SCN3A: variants seen among roughly 807,000 people sequenced by gnomAD.
The protein encoded by SCN3A is sodium voltage-gated channel alpha subunit 3.
Under a neutral mutation model 187.6 loss-of-function variants are expected in SCN3A, and 60 were observed. The ratio of observed to expected loss-of-function variants is 0.32; its 90% CI spans 0.26 to 0.40. The LOEUF is 0.40. SCN3A is among the 10% of genes least tolerant of loss of function. The pLI is 1.00. For missense variants in SCN3A, 1,601 were observed against 2,428.2 expected, an observed-to-expected ratio of 0.66 and a Z score of 7.16; for synonymous variants, 788 against 829.2, an observed-to-expected ratio of 0.95 and a Z score of 0.85.
intron 10 of SCN3A, among the ~76,000 whole-genome samples, chr2:165,155,168 T>A (rs1688942008): frequency 6.6e-6 from 1 of 152,200 alleles, no homozygotes; most frequent in Non-Finnish European, 1.5e-5. Flanking sequence ...TATCAACTTC[T>A]AAGAGTCATG....
At chr2:165,159,343 G>T (rs1203742473) in intron 9 of SCN3A, among the ~76,000 whole-genome samples, 1 of 136,606 alleles carries the variant, frequency 7.3e-6, no homozygotes, top group Non-Finnish European at 1.5e-5. Context: ...CTGGACACTG[G>T]TTTGTTGTTT....
chr2:165,179,530 T>C (rs1399759522), intron 2 of SCN3A: 2 of 152,226 alleles, frequency 1.3e-5, no homozygotes, highest in Admixed American at 6.5e-5. Flanking sequence ...GAAAAACTTT[T>C]TACAAATAAA....
chr2:165,191,145 T>C (rs1279645004), intron 1 of SCN3A, among the ~76,000 whole-genome samples: 2 of 149,544 alleles, frequency 1.3e-5, no homozygotes, highest in Non-Finnish European at 3.0e-5. Flanking sequence ...ATGACAATCA[T>C]AGCTTCTTCA....
intron 11 of SCN3A, among the ~76,000 whole-genome samples, chr2:165,149,214 C>T (rs960382438): frequency 4.0e-5 from 6 of 151,134 alleles, no homozygotes. Context: ...CTCACTCTGT[C>T]GCCCAGGCTG....
At position 165,095,758 on chromosome 2, in the gene SCN3A, C is replaced by G. The variant is rs914680796; in HGVS notation, c.4294-110G>C. The stretch of plus-strand genomic sequence containing the variant: ...TAATACAGTGCTACTTTTGCCTTAC[C>G]CTGAGATATTGTTCTACAAAAACAA... On this transcript the variant is annotated intron_variant, in intron 24 of 27. Coordinates refer to ENST00000283254, the MANE Select transcript of SCN3A (RefSeq NM_006922.4). 4 of 609,720 alleles carry G rather than the reference C, an allele frequency of 6.6e-6. No individual in the cohort carries two copies. The African/African-American group carries it at 7.5e-5, about 11-fold the overall frequency. 37.8% of individuals were successfully genotyped at this position (609,720 alleles called of 1,614,324 possible).
rs149605571 is a variant in SCN3A at position 165,178,620 on chromosome 2, T to C, written c.-50-2176A>G. 3.5e-3 allele frequency among the ~76,000 whole-genome samples: 537 copies of C among 152,332 alleles called. 4 individuals are homozygous for C. In the Middle Eastern group the frequency reaches 0.051, roughly 14 times the overall value. On this transcript the variant is annotated intron_variant, in intron 2 of 27. Coordinates refer to ENST00000283254, the MANE Select transcript of SCN3A (RefSeq NM_006922.4). ...ATTATATCTTTTGCTACTATGAAGG[T>C]ATATTCTATATAAGTTATAAAATAA... is the stretch of plus-strand genomic sequence containing the variant.
chr2:165,183,038 G>A (rs1274279037), intron 2 of SCN3A, among the ~76,000 whole-genome samples: 1 of 151,608 alleles, frequency 6.6e-6, no homozygotes, highest in East Asian at 1.9e-4. Context: ...GAATATTCAC[G>A]GCATTGCCTA....
intron 2 of SCN3A, among the ~76,000 whole-genome samples, chr2:165,185,050 G>A (rs1691143541): frequency 6.7e-6 from 1 of 150,136 alleles, no homozygotes; most frequent in Non-Finnish European, 1.5e-5. Flanking sequence ...TGGACTCAAT[G>A]TCATGGCTCT....
intron 5 of SCN3A, among the ~76,000 whole-genome samples, chr2:165,165,759 A>G (rs1053716497): frequency 6.6e-6 from 1 of 152,196 alleles, no homozygotes; most frequent in Non-Finnish European, 1.5e-5. Flanking sequence ...TTATTTTGAA[A>G]TGTTTTCTGC....
intron 18 of SCN3A, among the ~76,000 whole-genome samples, chr2:165,119,086 T>G (rs1051330922): frequency 5.9e-5 from 9 of 152,224 alleles, no homozygotes; most frequent in African/African-American, 2.2e-4. Context: ...TTAAATTTTT[T>G]GTAGAGATAG....
chr2:165,156,574 A>G (rs1440275960), intron 9 of SCN3A, among the ~76,000 whole-genome samples: 5 of 150,858 alleles, frequency 3.3e-5, no homozygotes, highest in Non-Finnish European at 3.0e-5. Flanking sequence ...GAAAACAGAC[A>G]AAGAGTGGGG....
At chr2:165,149,729 C>T (rs140975021) in intron 11 of SCN3A, among the ~76,000 whole-genome samples, 4 of 152,246 alleles carry the variant, frequency 2.6e-5, no homozygotes, top group African/African-American at 7.2e-5. Flanking sequence ...CAATGTCCTG[C>T]GTATGAGAAT....
In SCN3A at chr2:165,133,282, G is replaced by A. The variant is rs1687459742; in HGVS notation, c.2392-1865C>T. ...TTTGACCCAGCCATCCCATTACTGG[G>A]TATATACCCAAAGGACTATAAATCA... On this transcript the variant is annotated intron_variant, in intron 15 of 27. Coordinates refer to ENST00000283254, the MANE Select transcript of SCN3A (RefSeq NM_006922.4). Among the ~76,000 whole-genome samples the A allele has an allele frequency of 2.6e-5, 4 of 152,100 alleles. No homozygotes were observed. The South Asian group carries it at 8.3e-4, about 32-fold the overall frequency.
In SCN3A at chr2:165,194,417, C is replaced by T. The variant is rs77990915; in HGVS notation, c.-247-7670G>A. Reference sequence around the variant, plus strand: ...TATAGCAATACCCTTATACCCTGAACGTGGGTCACTAAACCTTATATAAAT... The same window carrying T: ...TATAGCAATACCCTTATACCCTGAATGTGGGTCACTAAACCTTATATAAAT... On this transcript the variant is annotated intron_variant, in intron 1 of 27. Coordinates refer to ENST00000283254, the MANE Select transcript of SCN3A (RefSeq NM_006922.4). Among the ~76,000 whole-genome samples the T allele has an allele frequency of 4.8e-3, 735 of 152,194 alleles. 5 individuals carry two copies. Among genetic ancestry groups the T allele is most frequent in the African/African-American group, 0.017 (704 of 41,524 alleles).
chr2:165,146,475 ATATATATTATATATATC>A (rs1688341691), intron 12 of SCN3A, among the ~76,000 whole-genome samples: 2 of 148,134 alleles, frequency 1.4e-5, no homozygotes, highest in South Asian at 2.1e-4. Context: ...GGTTATATCA[ATATATATTATATATATC>A]TATATATTAT....
intron 2 of SCN3A, among the ~76,000 whole-genome samples, chr2:165,177,206 C>G (rs759459093): frequency 6.6e-6 from 1 of 152,072 alleles, no homozygotes; most frequent in African/African-American, 2.4e-5. Flanking sequence ...TCAATTATTC[C>G]AAGACAATTT....
intron 11 of SCN3A, among the ~76,000 whole-genome samples, chr2:165,149,904 A>G (rs1688594859): frequency 6.6e-6 from 1 of 152,252 alleles, no homozygotes; most frequent in African/African-American, 2.4e-5. Flanking sequence ...ATATAACCAC[A>G]TAACTAATAC....
chr2:165,161,317 C>T (rs975713272), intron 9 of SCN3A, among the ~76,000 whole-genome samples: 1 of 151,926 alleles, frequency 6.6e-6, no homozygotes, highest in Non-Finnish European at 1.5e-5. Context: ...TCCATTTTAA[C>T]GATGAGTAAA....
chr2:165,182,957 G>A lies in SCN3A; in HGVS notation c.-51+3594C>T, dbSNP rs6723808. 5.7e-3 allele frequency among the ~76,000 whole-genome samples: 700 copies of A among 122,790 alleles called. 7 individuals carry two copies. The highest frequency in any genetic ancestry group is 0.022 in the African/African-American group (663 of 29,650). 80.6% of individuals were successfully genotyped at this position (122,790 alleles called of 152,430 possible). ...TTGCCAGTGCACTCCAGCCTAAGCTGCAAAACAAGACCTTGTCAAAAAAAA... is the reference window on the plus strand; with the variant it reads ...TTGCCAGTGCACTCCAGCCTAAGCTACAAAACAAGACCTTGTCAAAAAAAA... On this transcript the variant is annotated intron_variant, in intron 2 of 27. Coordinates refer to ENST00000283254, the MANE Select transcript of SCN3A (RefSeq NM_006922.4).
Sources: allele counts gnomAD v4.1 joint callset (sites outside exome capture counted in the v4.1 genomes callset), GRCh38; gene constraint gnomAD v4.1.1; transcripts MANE v1.5; gene names NCBI Gene and HGNC (gene_info 2026-07-23, HGNC 2026-07-21).